CFHR4: variants seen among roughly 807,000 people sequenced by gnomAD.
CFHR4 encodes complement factor H related 4.
Under a neutral mutation model 69.3 loss-of-function variants are expected in CFHR4, and 64 were observed. That is an observed-to-expected ratio of 0.92 (90% CI 0.76 to 1.14). The LOEUF is 1.14. Ranked by LOEUF, CFHR4 falls within the 50% of genes most tolerant of loss-of-function variation. CFHR4 has a pLI of 0.00. For missense variants in CFHR4, 636 were observed against 684.9 expected, an observed-to-expected ratio of 0.93 and a Z score of 0.80; for synonymous variants, 244 against 237.0, an observed-to-expected ratio of 1.03 and a Z score of -0.27.
At chr1:196,901,930 G>A (rs1445188668) in intron 1 of CFHR4, among the ~76,000 whole-genome samples, 2 of 151,352 alleles carry the variant, frequency 1.3e-5, no homozygotes, top group Non-Finnish European at 2.9e-5. Flanking sequence ...ACATGAATTA[G>A]CAATATTATT....
chr1:196,899,731 G>C (rs1293438424), intron 1 of CFHR4, among the ~76,000 whole-genome samples: 3 of 151,600 alleles, frequency 2.0e-5, no homozygotes, highest in Non-Finnish European at 4.4e-5. Flanking sequence ...AATGCTTCTG[G>C]ACCAACTGAA....
intron 6 of CFHR4, among the ~76,000 whole-genome samples, chr1:196,912,434 C>T (rs1236987166): frequency 6.6e-6 from 1 of 151,368 alleles, no homozygotes; most frequent in African/African-American, 2.4e-5. Context: ...AGAAAGTCTT[C>T]CAAAATATCA....
At chr1:196,899,213 A>C (rs1657464489) in intron 1 of CFHR4, among the ~76,000 whole-genome samples, 1 of 151,072 alleles carries the variant, frequency 6.6e-6, no homozygotes, top group Admixed American at 6.6e-5. Flanking sequence ...GTCTCTACAA[A>C]CATATTCTTT....
chr1:196,903,230 C>T (rs974531526), intron 2 of CFHR4, among the ~76,000 whole-genome samples: 1 of 151,178 alleles, frequency 6.6e-6, no homozygotes, highest in Admixed American at 6.6e-5. Context: ...ACTCTGAAGC[C>T]GAATTTATGT....
rs756233429 is a variant in CFHR4 at position 196,914,629 on chromosome 1, G to A, written c.1315G>A (p.Val439Met). 1.9e-6 allele frequency: 3 copies of A among 1,610,648 alleles called. No homozygotes were observed. The highest frequency in any genetic ancestry group is 2.2e-5 in the South Asian group (2 of 90,492). Residue 439 changes from valine (V) to methionine (M), a missense_variant, in exon 8 of 10, where the codon GTG becomes ATG. This residue lies in a region of CFHR4 where 529 missense variants were observed against 533.2 expected (regional missense o/e 0.99). Transcript: ENST00000608469. ...ISYGNTTGSI[V>M]CGEDGWSHFP... ...TTATGGAAACACCACAGGTTCCATAGTGTGTGGTGAAGATGGGTGGTCCCA... is the reference window on the plus strand; with the variant it reads ...TTATGGAAACACCACAGGTTCCATAATGTGTGGTGAAGATGGGTGGTCCCA...
At chr1:196,895,867 C>A (rs1299846227) in intron 1 of CFHR4, among the ~76,000 whole-genome samples, 2 of 151,502 alleles carry the variant, frequency 1.3e-5, no homozygotes, top group African/African-American at 2.4e-5. Context: ...TAATGGGTAA[C>A]AACTGGAATC....
chr1:196,906,348 G>A (rs1184099246), intron 3 of CFHR4, among the ~76,000 whole-genome samples: 1 of 151,398 alleles, frequency 6.6e-6, no homozygotes, highest in African/African-American at 2.4e-5. Context: ...AGACAAAGCT[G>A]TACACTTCAA....
In CFHR4 at chr1:196,905,323, G is replaced by A. The variant is rs563719986; in HGVS notation, c.439+33G>A. The A allele has an allele frequency of 2.9e-4, 459 of 1,607,720 alleles. 12 individuals carry two copies. The African/African-American group carries it at 5.3e-3, about 18-fold the overall frequency. ...ATTTACATATTCCCACTCAGTTTCT[G>A]TCAACTTCTTTCCTCTCTTTGAGGT... On this transcript the variant is annotated intron_variant, in intron 3 of 9. Transcript: ENST00000608469.
At chr1:196,888,432 T>C (rs1656843338) in intron 1 of CFHR4, among the ~76,000 whole-genome samples, 1 of 151,346 alleles carries the variant, frequency 6.6e-6, no homozygotes, top group South Asian at 2.1e-4. Context: ...TTACAAATTC[T>C]ACAGTGTAAA....
chr1:196,896,485 T>C (rs1657301979), intron 1 of CFHR4, among the ~76,000 whole-genome samples: 1 of 151,570 alleles, frequency 6.6e-6, no homozygotes, highest in Non-Finnish European at 1.5e-5. Flanking sequence ...TCTTTCTGTC[T>C]GCATCTCTGT....
At chr1:196,908,523 C>G (rs991354059) in intron 5 of CFHR4, among the ~76,000 whole-genome samples, 2 of 151,284 alleles carry the variant, frequency 1.3e-5, no homozygotes, top group African/African-American at 4.9e-5. Context: ...CCTCTCCCCT[C>G]GTCCCAGAAT....
chr1:196,905,331 C>A, intron 3 of CFHR4, 41 bp downstream of exon 3: 3 of 1,605,930 alleles, frequency 1.9e-6, no homozygotes, highest in Non-Finnish European at 2.6e-6. Context: ...CTGTCAACTT[C>A]TTTCCTCTCT....
chr1:196,912,646 T>A, intron 6 of CFHR4, 94 bp from the exon 7 acceptor site: 1 of 1,324,092 alleles, frequency 7.6e-7, no homozygotes, highest in East Asian at 2.6e-5. Flanking sequence ...AAATGTTTCA[T>A]TGTTTTGCCA....
At chr1:196,904,735 G>A (rs1657815293) in intron 2 of CFHR4, among the ~76,000 whole-genome samples, 1 of 151,406 alleles carries the variant, frequency 6.6e-6, no homozygotes, top group Non-Finnish European at 1.5e-5. Context: ...TCTTTGCCTG[G>A]GAAATGGCAT....
intron 9 of CFHR4, among the ~76,000 whole-genome samples, chr1:196,915,755 A>T (rs990745241): frequency 1.3e-5 from 2 of 151,722 alleles, no homozygotes; most frequent in Non-Finnish European, 2.9e-5. Context: ...GGATACAATG[A>T]GTCTTCAAGA....
intron 9 of CFHR4, among the ~76,000 whole-genome samples, chr1:196,916,130 C>T (rs1029652878): frequency 3.3e-5 from 5 of 151,458 alleles, no homozygotes; most frequent in Non-Finnish European, 5.9e-5. Context: ...AAAAACCCCT[C>T]AAGCCAGTAA....
In CFHR4 at chr1:196,891,457, G is replaced by A. The variant is rs995214917; in HGVS notation, c.58+3249G>A. On this transcript the variant is annotated intron_variant, in intron 1 of 9. Coordinates refer to ENST00000608469, the MANE Select transcript of CFHR4 (RefSeq NM_001201550.3). ...GACTGGGTCAGAGAAGCTGTCATGC[G>A]TCACCCAACAAGCCTCTGGAGCCAG... Among the ~76,000 whole-genome samples the A allele has an allele frequency of 5.3e-5, 8 of 151,198 alleles. 1 individual carries two copies. The highest frequency in any genetic ancestry group is 1.7e-4 in the African/African-American group (7 of 40,952).
At chr1:196,889,733 G>A (rs763139466) in intron 1 of CFHR4, among the ~76,000 whole-genome samples, 1 of 151,246 alleles carries the variant, frequency 6.6e-6, no homozygotes, top group Non-Finnish European at 1.5e-5. Flanking sequence ...ATTTGTAAAA[G>A]TCCAAATTCC....
intron 1 of CFHR4, among the ~76,000 whole-genome samples, chr1:196,896,157 T>C (rs1016099241): frequency 8.6e-5 from 13 of 150,406 alleles, no homozygotes; most frequent in African/African-American, 3.0e-4. Flanking sequence ...AATCTAATAA[T>C]GGGTAACAAT....
Sources: gnomAD v4.1 joint callset for allele counts (sites outside exome capture counted in the v4.1 genomes callset) on GRCh38, gnomAD v4.1.1 for gene constraint, gnomAD v4.1.1 regional missense constraint, MANE v1.5 for transcripts, NCBI Gene and HGNC (gene_info 2026-07-23, HGNC 2026-07-21) for gene names.